Variants in SV2C observed in about 807,000 individuals in gnomAD.
SV2C encodes the protein solute carrier family 22 member B3.
Under a neutral mutation model 79.7 loss-of-function variants are expected in SV2C, and 49 were observed. The ratio of observed to expected loss-of-function variants is 0.61; its 90% CI spans 0.49 to 0.78. The LOEUF is 0.78. Among genes scored for constraint, SV2C ranks in the 30% least tolerant of loss-of-function variants. The probability of loss-of-function intolerance (pLI) is 0.00; values close to 1 mark genes in which losing one functional copy is unlikely to be tolerated. For missense variants in SV2C, 833 were observed against 912.9 expected, an observed-to-expected ratio of 0.91 and a Z score of 1.13; for synonymous variants, 334 against 333.2, an observed-to-expected ratio of 1.00 and a Z score of -0.03.
In SV2C at chr5:76,116,706, G is replaced by A. The variant is rs182551390; in HGVS notation, c.-101-14944G>A. Among the ~76,000 whole-genome samples, 108 of 152,312 alleles carry A rather than the reference G, an allele frequency of 7.1e-4. No homozygotes were observed. In the East Asian group the frequency reaches 7.1e-3, roughly 10 times the overall value. The stretch of plus-strand genomic sequence containing the variant: ...ATCTGCCAGAATGCCTTTGGCCATT[G>A]GATGGAAGAGAATGTCTCACTGTTA... On this transcript the variant is annotated intron_variant, in intron 1 of 12. Coordinates refer to ENST00000502798, the MANE Select transcript of SV2C (RefSeq NM_014979.4).
chr5:76,245,090 C>T (rs903667749), intron 4 of SV2C, among the ~76,000 whole-genome samples: 2 of 152,122 alleles, frequency 1.3e-5, no homozygotes, highest in Non-Finnish European at 2.9e-5. Flanking sequence ...GTGTAAGATC[C>T]CAGAGTACCC....
At chr5:76,094,529 A>G (rs986794908) in intron 1 of SV2C, among the ~76,000 whole-genome samples, 1 of 152,184 alleles carries the variant, frequency 6.6e-6, no homozygotes, top group Non-Finnish European at 1.5e-5. Flanking sequence ...ATAGTATTAC[A>G]TTATATGAAT....
At chr5:76,036,790 C>G in the SV2C span, among the ~76,000 whole-genome samples, 4 of 152,154 alleles carry the variant, frequency 2.6e-5, no homozygotes, top group African/African-American at 9.7e-5. Context: ...GAATGTTGGC[C>G]TGCCTTGCTA....
chr5:76,313,176 A>G (rs1007808656), intron 12 of SV2C, among the ~76,000 whole-genome samples: 4 of 152,170 alleles, frequency 2.6e-5, no homozygotes, highest in Non-Finnish European at 5.9e-5. Flanking sequence ...TGTAATGGCA[A>G]TTTCATTCAT....
the SV2C span, among the ~76,000 whole-genome samples, chr5:75,940,956 T>C: frequency 6.6e-6 from 1 of 152,216 alleles, no homozygotes; most frequent in Non-Finnish European, 1.5e-5. Context: ...ATGTAAAACT[T>C]AATTTATTGG....
At chr5:75,934,009 A>G in the SV2C span, among the ~76,000 whole-genome samples, 1 of 152,360 alleles carries the variant, frequency 6.6e-6, no homozygotes, top group East Asian at 1.9e-4. Flanking sequence ...TAGCAGACAG[A>G]GGCTGAGAAC....
At chr5:75,998,321 C>T in the SV2C span, among the ~76,000 whole-genome samples, 4 of 148,092 alleles carry the variant, frequency 2.7e-5, no homozygotes, top group South Asian at 8.5e-4. Flanking sequence ...TGCACATGTA[C>T]CCTAAAACTT....
At chr5:76,310,901 T>C (rs1472776791) in intron 12 of SV2C, among the ~76,000 whole-genome samples, 1 of 152,204 alleles carries the variant, frequency 6.6e-6, no homozygotes, top group Non-Finnish European at 1.5e-5. Context: ...AAACTCAGGC[T>C]GGCAGAGTGG....
chr5:76,129,148 A>G (rs1162318201), intron 1 of SV2C, among the ~76,000 whole-genome samples: 2 of 152,206 alleles, frequency 1.3e-5, no homozygotes, highest in African/African-American at 2.4e-5. Context: ...CTGTAGATTC[A>G]CATGCAGTTG....
chr5:76,352,940 C>CT (rs556688242), intron 12 of SV2C, among the ~76,000 whole-genome samples: 429 of 136,490 alleles, frequency 3.1e-3, no homozygotes, highest in Middle Eastern at 3.8e-3. Flanking sequence ...ATTTTTACCT[C>CT]TTTTTTTTTT....
intron 2 of SV2C, among the ~76,000 whole-genome samples, chr5:76,146,795 TTTAAAA>T (rs1308767534): frequency 7.8e-5 from 6 of 76,520 alleles, no homozygotes; most frequent in Non-Finnish European, 1.5e-4. Flanking sequence ...TGAGTTTTTT[TTTAAAA>T]AAAAAAAAAA....
the SV2C span, among the ~76,000 whole-genome samples, chr5:76,016,148 G>A: frequency 2.3e-3 from 350 of 149,204 alleles, 3 homozygotes; most frequent in South Asian, 0.026. Context: ...TTCTTAGCAT[G>A]CTCTCTTTGC....
chr5:75,971,302 A>G, the SV2C span, among the ~76,000 whole-genome samples: 3 of 152,010 alleles, frequency 2.0e-5, no homozygotes, highest in Non-Finnish European at 4.4e-5. Context: ...CCTATTCAAC[A>G]TAGTGTTGGA....
chr5:75,871,103 A>G, the SV2C span, among the ~76,000 whole-genome samples: 2 of 152,370 alleles, frequency 1.3e-5, no homozygotes, highest in South Asian at 2.1e-4. Context: ...TAGGAAATCT[A>G]TTTATATAAT....
chr5:75,921,130 T>A, the SV2C span: 2 of 870,966 alleles, frequency 2.3e-6, no homozygotes, highest in South Asian at 3.1e-5. Flanking sequence ...CCTTGCTGTT[T>A]TCAATGTTCA....
chr5:76,137,214 T>C (rs1312229049), intron 2 of SV2C, among the ~76,000 whole-genome samples: 1 of 152,164 alleles, frequency 6.6e-6, no homozygotes. Context: ...TAATAAATGA[T>C]AGCTGCTATA....
chr5:75,947,253 T>G, the SV2C span, among the ~76,000 whole-genome samples: 2 of 152,032 alleles, frequency 1.3e-5, no homozygotes, highest in African/African-American at 4.8e-5. Flanking sequence ...AATCCCCAAT[T>G]CCCTGTGGAA....
At chr5:75,935,782 A>T in the SV2C span, among the ~76,000 whole-genome samples, 1 of 152,184 alleles carries the variant, frequency 6.6e-6, no homozygotes, top group Non-Finnish European at 1.5e-5. Context: ...ACCTCTGGAG[A>T]GGGGATAGGA....
chr5:76,050,445 A>C, the SV2C span, among the ~76,000 whole-genome samples: 1 of 152,204 alleles, frequency 6.6e-6, no homozygotes, highest in Non-Finnish European at 1.5e-5. Context: ...GAGATCCTGA[A>C]CTAGATAAAA....
Sources: gnomAD v4.1 joint callset for allele counts (sites outside exome capture counted in the v4.1 genomes callset) on GRCh38, gnomAD v4.1.1 for gene constraint, MANE v1.5 for transcripts, NCBI Gene and HGNC (gene_info 2026-07-23, HGNC 2026-07-21) for gene names.